NLGN1: variants seen among roughly 807,000 people sequenced by gnomAD.
The protein encoded by NLGN1 is neuroligin-1.
NLGN1 carries 12 observed loss-of-function variants against 65.5 expected under a neutral mutation model. The observed-to-expected ratio is 0.18, with a 90% CI of 0.12 to 0.30. The LOEUF is 0.30. Ranked by LOEUF, NLGN1 falls within the 10% of genes least tolerant of loss-of-function variation. The probability of loss-of-function intolerance (pLI) is 1.00; values close to 1 mark genes in which losing one functional copy is unlikely to be tolerated. For synonymous variants in NLGN1, 350 were observed against 359.5 expected (o/e 0.97, Z 0.30); for missense variants, 750 against 1,007.1 (o/e 0.74, Z 3.46).
chr3:173,873,506 AAGAC>A (rs1202155603), intron 4 of NLGN1, among the ~76,000 whole-genome samples: 1 of 152,370 alleles, frequency 6.6e-6, no homozygotes, highest in African/African-American at 2.4e-5. Flanking sequence ...AAGCATTTAA[AAGAC>A]AGAAGCATGT....
intron 4 of NLGN1, among the ~76,000 whole-genome samples, chr3:173,813,334 G>A (rs1718368334): frequency 6.6e-6 from 1 of 152,144 alleles, no homozygotes; most frequent in South Asian, 2.1e-4. Context: ...AAAACTTCAA[G>A]TGGGATCATA....
intron 2 of NLGN1, among the ~76,000 whole-genome samples, chr3:173,513,943 G>A (rs561717382): frequency 5.9e-5 from 9 of 152,116 alleles, no homozygotes; most frequent in Non-Finnish European, 8.8e-5. Context: ...CAGTAGAATC[G>A]TTTGAACCCA....
intron 4 of NLGN1, among the ~76,000 whole-genome samples, chr3:174,159,659 G>A (rs1726131393): frequency 2.6e-5 from 4 of 151,730 alleles, no homozygotes; most frequent in African/African-American, 9.6e-5. Flanking sequence ...AGCAGCAAGG[G>A]ACAAGTTCCC....
intron 3 of NLGN1, among the ~76,000 whole-genome samples, chr3:173,672,187 A>G (rs1762541649): frequency 6.6e-6 from 1 of 152,204 alleles, no homozygotes; most frequent in South Asian, 2.1e-4. Flanking sequence ...AATAATTAGA[A>G]TAAAATAAAA....
chr3:174,280,757 T>A lies in NLGN1; in HGVS notation c.1926T>A (p.Asn642Lys), dbSNP rs1424544675. Reference sequence around the variant, plus strand: ...TCACTTTCAGACCTACGAGAAAAAATTCTGTACCTGTCACGTCAGCCTTTC... The same window carrying A: ...TCACTTTCAGACCTACGAGAAAAAAATCTGTACCTGTCACGTCAGCCTTTC... The change falls in exon 7 of 7, where the codon AAT becomes AAA. Residue 642 changes from asparagine (N) to lysine (K), a missense_variant. Coordinates refer to ENST00000457714, the Ensembl canonical transcript of NLGN1. This position sits in a 1 kb window ranked among gnomAD's most constrained non-coding sequence, Gnocchi z 4.9. 2 of 1,613,066 alleles carry A rather than the reference T, an allele frequency of 1.2e-6. No individual in the cohort carries two copies. Among genetic ancestry groups the A allele is most frequent in the African/African-American group, 2.7e-5 (2 of 74,756 alleles).
chr3:173,643,569 G>A (rs948777173), intron 3 of NLGN1, among the ~76,000 whole-genome samples: 5 of 152,202 alleles, frequency 3.3e-5, no homozygotes, highest in Non-Finnish European at 7.3e-5. Flanking sequence ...GCTGTCAGCA[G>A]TTTGTACCAC....
intron 3 of NLGN1, among the ~76,000 whole-genome samples, chr3:173,641,902 A>G (rs1757471667): frequency 6.6e-6 from 1 of 152,048 alleles, no homozygotes; most frequent in Non-Finnish European, 1.5e-5. Context: ...GGCGGAGTTG[A>G]TTATGTGCAA....
chr3:174,021,300 G>C (rs1301935919), intron 4 of NLGN1, among the ~76,000 whole-genome samples: 1 of 151,876 alleles, frequency 6.6e-6, no homozygotes, highest in Non-Finnish European at 1.5e-5. Context: ...ATTGGTGAAA[G>C]GAGAAAAGTA....
chr3:173,686,088 T>TA (rs2149802755), intron 3 of NLGN1, among the ~76,000 whole-genome samples: 1 of 152,268 alleles, frequency 6.6e-6, no homozygotes, highest in South Asian at 2.1e-4. Context: ...TACATTGAGT[T>TA]AAAACCCAAG....
chr3:173,716,611 G>T (rs1443123023), intron 3 of NLGN1, among the ~76,000 whole-genome samples: 1 of 152,090 alleles, frequency 6.6e-6, no homozygotes, highest in Non-Finnish European at 1.5e-5. Context: ...CTTCCCGGGG[G>T]CTGAATGCAC....
At chr3:174,181,650 C>T (rs1730433033) in intron 4 of NLGN1, among the ~76,000 whole-genome samples, 2 of 152,014 alleles carry the variant, frequency 1.3e-5, no homozygotes, top group Admixed American at 6.6e-5. Flanking sequence ...TATAGTCAGC[C>T]GGGCTCAGTG....
intron 2 of NLGN1, among the ~76,000 whole-genome samples, chr3:173,440,378 AC>A (rs1718954905): frequency 6.6e-6 from 1 of 152,120 alleles, no homozygotes; most frequent in Admixed American, 6.5e-5. Context: ...TCTCAGTGGC[AC>A]CTAGGATGGT....
intron 4 of NLGN1, among the ~76,000 whole-genome samples, chr3:174,054,310 C>T (rs1207480957): frequency 5.9e-5 from 9 of 152,024 alleles, no homozygotes; most frequent in Admixed American, 2.6e-4. Context: ...AAATTACACA[C>T]ACATGCAAGT....
intron 4 of NLGN1, among the ~76,000 whole-genome samples, chr3:173,981,166 G>C (rs1214129838): frequency 6.6e-6 from 1 of 151,950 alleles, no homozygotes; most frequent in Non-Finnish European, 1.5e-5. Flanking sequence ...TCCTCATGTG[G>C]GAATAAGAAT....
intron 4 of NLGN1, among the ~76,000 whole-genome samples, chr3:174,224,954 G>A (rs1739345997): frequency 6.6e-6 from 1 of 152,104 alleles, no homozygotes; most frequent in African/African-American, 2.4e-5. Context: ...TAGGAGTTTA[G>A]TCCAAAGGAA....
chr3:173,882,132 CT>C (rs1335432325), intron 4 of NLGN1, among the ~76,000 whole-genome samples: 4 of 152,210 alleles, frequency 2.6e-5, no homozygotes, highest in African/African-American at 9.6e-5. Context: ...TTTGAAATAT[CT>C]TTTTTTCTGA....
chr3:173,772,500 C>A (rs969343007), intron 3 of NLGN1, among the ~76,000 whole-genome samples: 2 of 152,040 alleles, frequency 1.3e-5, no homozygotes, highest in African/African-American at 4.8e-5. Context: ...CACCCATAAT[C>A]CCAGGTACTT....
chr3:174,147,419 CTTTTTTTTTTTTTTT>C (rs574298501), intron 4 of NLGN1, among the ~76,000 whole-genome samples: 6 of 36,260 alleles, frequency 1.7e-4, no homozygotes, highest in East Asian at 6.9e-4. Context: ...TGGCTCATGG[CTTTTTTTTTTTTTTT>C]TTTTTTTTTT....
At chr3:174,067,486 A>G (rs1420524448) in intron 4 of NLGN1, among the ~76,000 whole-genome samples, 1 of 152,186 alleles carries the variant, frequency 6.6e-6, no homozygotes, top group Non-Finnish European at 1.5e-5. Flanking sequence ...CAGCTTAAAC[A>G]TCTGCTTCCA....
Sources: allele counts gnomAD v4.1 joint callset (sites outside exome capture counted in the v4.1 genomes callset), GRCh38; gene constraint gnomAD v4.1.1; non-coding constraint Gnocchi (gnomAD v3.1); transcripts MANE v1.5; gene names NCBI Gene and HGNC (gene_info 2026-07-23, HGNC 2026-07-21).